The following HK3 variants were observed in gnomAD, a reference collection of about 807,000 sequenced individuals.
HK3 encodes hexokinase 3.
HK3 carries 93 observed loss-of-function variants against 91.0 expected under a neutral mutation model. The ratio of observed to expected loss-of-function variants is 1.02; its 90% CI spans 0.86 to 1.21. HK3 has a LOEUF of 1.21. Among genes scored for constraint, HK3 ranks in the 50% most tolerant of loss-of-function variants. HK3 has a pLI of 0.00. For missense variants in HK3, 1,235 were observed against 1,247.4 expected, an observed-to-expected ratio of 0.99 and a Z score of 0.15; for synonymous variants, 519 against 516.9, an observed-to-expected ratio of 1.00 and a Z score of -0.06.
In HK3 at chr5:176,881,411, A is replaced by G. The variant is rs373687842; in HGVS notation, c.2518T>C (p.Cys840Arg). The G allele has an allele frequency of 1.2e-4, 193 of 1,612,988 alleles. No individual in the cohort carries two copies. Among genetic ancestry groups the G allele is most frequent in the South Asian group, 4.6e-4 (42 of 91,090 alleles). Residue 840 changes from cysteine to arginine, a missense_variant, in exon 18 of 19, where the codon TGT (cysteine) becomes CGT (arginine). By Grantham distance (180) the Cys-to-Arg change is radical. Transcript: ENST00000292432. ...ACCACGGCAGCTACACCCGCCCCACAGAGCTGGGCAGCCCTCTGGGACACA... is the reference window on the plus strand; with the variant it reads ...ACCACGGCAGCTACACCCGCCCCACGGAGCTGGGCAGCCCTCTGGGACACA... ...QAVSQRAAQLCGAGVAAVVEK... is the reference protein window; with the variant it reads ...QAVSQRAAQLRGAGVAAVVEK...
chr5:176,882,063 T>TGAGTCCCCAGGCACGCCCGCCACA lies in HK3; in HGVS notation c.2094_2117dup (p.Val699_Ser706dup). The TGAGTCCCCAGGCACGCCCGCCACA allele has an allele frequency of 6.2e-7, 1 of 1,612,948 alleles. No individual in the cohort carries two copies. The highest frequency in any genetic ancestry group is 8.5e-7 in the Non-Finnish European group (1 of 1,180,012). On this transcript the variant is annotated inframe_insertion, in exon 16 of 19. Transcript: ENST00000292432. ...ACTCCATGTTGATGCACATGCGGCC[T>TGAGTCCCCAGGCACGCCCGCCACA]GAGTCCCCAGGCACGCCCGCCACAT...
At position 176,882,003 on chromosome 5, in the gene HK3, C is replaced by T. The variant is rs367917003; in HGVS notation, c.2178G>A (p.Met726Ile). ...GAFGDDGSLA[M>I]LSTRFDASVD... ...CACTTGCATCAAAGCGGGTGCTGAG[C>T]ATGGCCAGAGAGCCATCGTCCCCAA... is the stretch of plus-strand genomic sequence containing the variant. The change falls in exon 16 of 19, where the codon ATG becomes ATA. Residue 726 changes from methionine to isoleucine, a missense_variant. By Grantham distance (10) the Met-to-Ile change is conservative. Coordinates refer to ENST00000292432, the MANE Select transcript of HK3 (RefSeq NM_002115.3). The T allele has an allele frequency of 1.7e-5, 27 of 1,613,344 alleles. No homozygotes were observed. In the African/African-American group the frequency reaches 3.3e-4, roughly 20 times the overall value.
chr5:176,889,439 C>G lies in HK3; in HGVS notation c.856G>C (p.Val286Leu). Residue 286 changes from valine (V) to leucine (L), a missense_variant, in exon 8 of 19, where the codon GTG becomes CTG. This residue lies in a region of HK3 where 717 missense variants were observed against 751.6 expected (regional missense o/e 0.95). Coordinates refer to ENST00000292432, the MANE Select transcript of HK3 (RefSeq NM_002115.3). ...AGGGTATGGTCGAAGGTGGTCAGCA[C>G]TGGTCCCAGCGCCCCATCATCGCTG... ...SFSDDGALGP[V>L]LTTFDHTLDH... is the part of the protein sequence containing the mutation. 6.2e-7 allele frequency: 1 copy of G among 1,614,210 alleles called. No individual in the cohort carries two copies. The highest frequency in any genetic ancestry group is 8.5e-7 in the Non-Finnish European group (1 of 1,180,036).
At chr5:176,890,170 T>C (rs923651343) in intron 6 of HK3, among the ~76,000 whole-genome samples, 1 of 152,126 alleles carries the variant, frequency 6.6e-6, no homozygotes, top group Non-Finnish European at 1.5e-5. Flanking sequence ...GCATCCAGAC[T>C]CTTGTGTGTG....
Position 176,889,367 on chromosome 5 carries a change from C to T in HK3, c.914+14G>A, listed in dbSNP as rs1425127747. ...GGGCCTGGAACCAAAGGTCAGGGCC[C>T]CCTGCCAGGTCACCTCTGAGCACCA... On this transcript the variant is annotated intron_variant, in intron 8 of 18. Coordinates refer to ENST00000292432, the MANE Select transcript of HK3 (RefSeq NM_002115.3). The T allele has an allele frequency of 6.2e-7, 1 of 1,611,236 alleles. No homozygotes were observed. Among genetic ancestry groups the T allele is most frequent in the Non-Finnish European group, 8.5e-7 (1 of 1,178,150 alleles).
In HK3 at chr5:176,891,407, C is replaced by A. The variant is rs779216728; in HGVS notation, c.240G>T (p.Gly80=). Residue 80 remains glycine (G), a synonymous_variant, in exon 3 of 19, where the codon GGG becomes GGT. Coordinates refer to ENST00000292432, the MANE Select transcript of HK3 (RefSeq NM_002115.3). ...PAVRMLPTYV[G]STPHGTEQGD... is the part of the protein sequence containing the mutation. ...ACCCACCAGTGCCATGTGGGGTGGA[C>A]CCCACGTATGTAGGCAGCATCCGGA... is the stretch of plus-strand genomic sequence containing the variant. 7.3e-5 allele frequency: 117 copies of A among 1,613,198 alleles called. No individual in the cohort carries two copies. Among genetic ancestry groups the A allele is most frequent in the Admixed American group, 3.0e-4 (18 of 59,936 alleles).
In HK3 at chr5:176,881,921, C is replaced by T. The variant is rs376072238; in HGVS notation, c.2237+23G>A. On this transcript the variant is annotated intron_variant, in intron 16 of 18. Coordinates refer to ENST00000292432, the MANE Select transcript of HK3 (RefSeq NM_002115.3). ...CCCAGCACCGGTCACAGCCAGCCAC[C>T]ACTGCCTGGGCCCAGCCCACACCTC... 5 of 1,612,718 alleles carry T rather than the reference C, an allele frequency of 3.1e-6. No homozygotes were observed. In the Admixed American group the frequency reaches 6.7e-5, roughly 21 times the overall value.
Position 176,889,499 on chromosome 5 carries a change from C to T in HK3, c.796G>A (p.Gly266Ser). The change falls in exon 8 of 19, where the codon GGC (glycine) becomes AGC (serine). Residue 266 changes from glycine (G) to serine (S), a missense_variant. Gly to Ser is a moderately conservative substitution (Grantham distance 56). Around this residue, in one of 3 missense-constraint regions of HK3, gnomAD observed 717 missense variants for 751.6 expected, o/e 0.95. Transcript: ENST00000292432. Reference protein sequence around the residue: ...RHVAVLDEDRGRVCVSVEWGS... With the variant: ...RHVAVLDEDRSRVCVSVEWGS... ...CACTCGACGCTGACGCAGACGCGGC[C>T]CCGGTCTTCGTCCAGCACTGCCACA... 6.2e-7 allele frequency: 1 copy of T among 1,614,156 alleles called. No homozygotes were observed. The highest frequency in any genetic ancestry group is 8.5e-7 in the Non-Finnish European group (1 of 1,180,036).
chr5:176,886,087 G>A (rs1415518009), intron 13 of HK3, among the ~76,000 whole-genome samples: 1 of 152,000 alleles, frequency 6.6e-6, no homozygotes, highest in African/African-American at 2.4e-5. Flanking sequence ...AAATGAGCTG[G>A]GCGTGTTGGC....
intron 1 of HK3, among the ~76,000 whole-genome samples, chr5:176,897,701 C>G (rs1265838744): frequency 6.6e-6 from 1 of 152,204 alleles, no homozygotes; most frequent in East Asian, 1.9e-4. Context: ...CTTCCTGAGT[C>G]TCTCGTAGTC....
chr5:176,882,180 C>T (rs1188471879), intron 15 of HK3, 53 bp from the exon 16 acceptor site: 1 of 1,583,988 alleles, frequency 6.3e-7, no homozygotes, highest in East Asian at 2.2e-5. Flanking sequence ...GACAAGGACC[C>T]TCTGAGCACT....
In HK3 at chr5:176,888,395, C is replaced by A; in HGVS notation, c.1241G>T (p.Arg414Leu). The change falls in exon 10 of 19, where the codon CGG becomes CTG. Residue 414 changes from arginine to leucine, a missense_variant. Physicochemically the swap from Arg to Leu is moderately radical, Grantham distance 102. This residue lies in a region of HK3 where 717 missense variants were observed against 751.6 expected (regional missense o/e 0.95). Coordinates refer to ENST00000292432, the MANE Select transcript of HK3 (RefSeq NM_002115.3). ...AAVLSCLQHS[R>L]EQQTLQVAVA... ...AGCAACCTGGAGTGTTTGTTGCTCC[C>A]GGCTGTGCTGGAGGCAGGAGAGAAC... 1.9e-6 allele frequency: 3 copies of A among 1,563,518 alleles called. No individual in the cohort carries two copies.
At chr5:176,898,515 C>T (rs955521449) in intron 1 of HK3, among the ~76,000 whole-genome samples, 1 of 152,194 alleles carries the variant, frequency 6.6e-6, no homozygotes, top group African/African-American at 2.4e-5. Flanking sequence ...CAAGGCCCAG[C>T]TAGTTCATTT....
rs377458575 is a variant in HK3 at position 176,889,432 on chromosome 5, G to A, written c.863C>T (p.Thr288Ile). The change falls in exon 8 of 19, where the codon ACC (threonine) becomes ATC (isoleucine). Residue 288 changes from threonine to isoleucine, a missense_variant. Physicochemically the swap from Thr to Ile is moderately conservative, Grantham distance 89. Around this residue, in one of 3 missense-constraint regions of HK3, gnomAD observed 717 missense variants for 751.6 expected, o/e 0.95. Coordinates refer to ENST00000292432, the MANE Select transcript of HK3 (RefSeq NM_002115.3). ...SDDGALGPVLTTFDHTLDHES... is the reference protein window; with the variant it reads ...SDDGALGPVLITFDHTLDHES... Reference sequence around the variant, plus strand: ...ATGGTCCAGGGTATGGTCGAAGGTGGTCAGCACTGGTCCCAGCGCCCCATC... The same window carrying A: ...ATGGTCCAGGGTATGGTCGAAGGTGATCAGCACTGGTCCCAGCGCCCCATC... 3.1e-6 allele frequency: 5 copies of A among 1,614,074 alleles called. No homozygotes were observed. The African/African-American group carries it at 6.7e-5, about 22-fold the overall frequency.
Position 176,887,649 on chromosome 5 carries a change from T to G in HK3, c.1402A>C (p.Met468Leu). Reference protein sequence around the residue: ...SVDGGGRGVAMVTAVAARLAA... With the variant: ...SVDGGGRGVALVTAVAARLAA... ...AGACGGGCAGCCACGGCAGTCACCA[T>G]CGCCACTCCCCGGCCACCACCATCC... is the stretch of plus-strand genomic sequence containing the variant. The change falls in exon 11 of 19, where the codon ATG (methionine) becomes CTG (leucine). Residue 468 changes from methionine (M) to leucine (L), a missense_variant. This residue lies in a region of HK3 where 717 missense variants were observed against 751.6 expected (regional missense o/e 0.95). Transcript: ENST00000292432. The surrounding 1 kb of genome is among the most constrained non-coding windows in gnomAD (Gnocchi z 4.9). 6.2e-7 allele frequency: 1 copy of G among 1,613,596 alleles called. No individual in the cohort carries two copies. Among genetic ancestry groups the G allele is most frequent in the Non-Finnish European group, 8.5e-7 (1 of 1,179,938 alleles).
chr5:176,883,685 C>T (rs1758501981), intron 15 of HK3, 85 bp downstream of exon 15: 1 of 1,103,102 alleles, frequency 9.1e-7, no homozygotes, highest in Non-Finnish European at 1.4e-6. Context: ...ATCCCCACCG[C>T]CAAGGAAACA....
At position 176,881,691 on chromosome 5, in the gene HK3, C is replaced by T; in HGVS notation, c.2393+1G>A. ...GGGGAGGCAATGTAGGCCTCAGGCA[C>T]CTTTCGATCTCAGAGAGGAACTTGG... On this transcript the variant is annotated splice_donor_variant, in intron 17 of 18. Transcript: ENST00000292432. LOFTEE classifies it high-confidence loss of function. The T allele has an allele frequency of 6.2e-7, 1 of 1,614,084 alleles. No individual in the cohort carries two copies. Among genetic ancestry groups the T allele is most frequent in the Admixed American group, 1.7e-5 (1 of 60,024 alleles).
chr5:176,884,710 G>T lies in HK3; in HGVS notation c.1858-576C>A, dbSNP rs1053504844. ...TGAGTGCCCAGATTGTGAGAAAAGGGACTTAAACTTAGTGACACGGGGCTC... is the reference window on the plus strand; with the variant it reads ...TGAGTGCCCAGATTGTGAGAAAAGGTACTTAAACTTAGTGACACGGGGCTC... On this transcript the variant is annotated intron_variant, in intron 13 of 18. Coordinates refer to ENST00000292432, the MANE Select transcript of HK3 (RefSeq NM_002115.3). The surrounding 1 kb of genome is among the most constrained non-coding windows in gnomAD (Gnocchi z 4.1). Among the ~76,000 whole-genome samples, 8 of 152,214 alleles carry T rather than the reference G, an allele frequency of 5.3e-5. No homozygotes were observed. The highest frequency in any genetic ancestry group is 1.4e-4 in the African/African-American group (6 of 41,458).
chr5:176,881,487 C>G lies in HK3; in HGVS notation c.2442G>C (p.Gly814=). The change falls in exon 18 of 19, where the codon GGG becomes GGC. Residue 814 remains glycine (G), a synonymous_variant. Transcript: ENST00000292432. ...GGGCGTCATCTGAGGTCAGGGGTAG[C>G]CCCAGATCCTCTAGGATGGCTCGGA... The part of the protein sequence containing the change: ...RQVRAILEDL[G]LPLTSDDALM... The G allele has an allele frequency of 1.2e-6, 2 of 1,607,436 alleles. No individual in the cohort carries two copies. Among genetic ancestry groups the G allele is most frequent in the Non-Finnish European group, 1.7e-6 (2 of 1,179,898 alleles).
Sources: allele counts gnomAD v4.1 joint callset (sites outside exome capture counted in the v4.1 genomes callset), GRCh38; gene constraint gnomAD v4.1.1; regional missense constraint gnomAD v4.1.1; non-coding constraint Gnocchi (gnomAD v3.1); transcripts MANE v1.5; gene names NCBI Gene and HGNC (gene_info 2026-07-23, HGNC 2026-07-21).